RIPK1: variants seen among roughly 807,000 people sequenced by gnomAD.
RIPK1 encodes the protein receptor-interacting serine/threonine-protein kinase 1.
Under a neutral mutation model 62.4 loss-of-function variants are expected in RIPK1, and 27 were observed. The ratio of observed to expected loss-of-function variants is 0.43; its 90% CI spans 0.32 to 0.60. The LOEUF is 0.60. Among genes scored for constraint, RIPK1 ranks in the 20% least tolerant of loss-of-function variants. The pLI, the probability that RIPK1 is intolerant of heterozygous loss-of-function variation, is 0.07. For missense variants in RIPK1, 735 were observed against 831.0 expected (o/e 0.88, Z 1.42); for synonymous variants, 287 against 303.2 (o/e 0.95, Z 0.55).
chr6:3,067,976 T>G (rs1220458744), upstream of RIPK1: 1 of 153,876 alleles, frequency 6.5e-6, no homozygotes, highest in Non-Finnish European at 1.4e-5. Flanking sequence ...ACTGCTGACC[T>G]CAAGTGATCC....
intron 2 of RIPK1, among the ~76,000 whole-genome samples, 183 bp downstream of exon 2, chr6:3,077,170 A>G (rs1215994541): frequency 6.6e-6 from 1 of 152,124 alleles, no homozygotes; most frequent in Non-Finnish European, 1.5e-5. Context: ...GAGACTGGGT[A>G]GTGAAGGACT....
At position 3,080,806 on chromosome 6, in the gene RIPK1, C is replaced by A. The variant is rs532170967; in HGVS notation, c.322-173C>A. Among the ~76,000 whole-genome samples the A allele has an allele frequency of 6.3e-3, 961 of 151,796 alleles. 5 individuals carry two copies. The highest frequency in any genetic ancestry group is 0.01 in the Non-Finnish European group (704 of 67,984). On this transcript the variant is annotated intron_variant, in intron 3 of 10. Coordinates refer to ENST00000259808, the MANE Select transcript of RIPK1 (RefSeq NM_001354930.2). ...ACAACACGAATACCCTCTGCCCCCCCCCGAATGAAATCTTTCTTGTTTCCC... is the reference window on the plus strand; with the variant it reads ...ACAACACGAATACCCTCTGCCCCCCACCGAATGAAATCTTTCTTGTTTCCC...
chr6:3,072,103 C>T lies in RIPK1; in HGVS notation c.-61+3442C>T, dbSNP rs574294650. 6.6e-6 allele frequency among the ~76,000 whole-genome samples: 1 copy of T among 152,172 alleles called. No homozygotes were observed. The highest frequency in any genetic ancestry group is 1.5e-5 in the Non-Finnish European group (1 of 68,034). On this transcript the variant is annotated intron_variant, in intron 1 of 10. Transcript: ENST00000259808. The surrounding 1 kb of genome is among the most constrained non-coding windows in gnomAD (Gnocchi z 5.6). ...CTGTACATGCTAAGTGTTTTACCTACTTTTGCTGTTCTATGTAATGCTACC... is the reference window on the plus strand; with the variant it reads ...CTGTACATGCTAAGTGTTTTACCTATTTTTGCTGTTCTATGTAATGCTACC...
intron 5 of RIPK1, among the ~76,000 whole-genome samples, chr6:3,084,074 G>A (rs1759562582): frequency 6.6e-6 from 1 of 152,070 alleles, no homozygotes; most frequent in African/African-American, 2.4e-5. Flanking sequence ...CTCAAAACCT[G>A]TGAATTCAAG....
chr6:3,104,896 G>C (rs1028628093), intron 8 of RIPK1, among the ~76,000 whole-genome samples: 2 of 151,884 alleles, frequency 1.3e-5, no homozygotes, highest in Non-Finnish European at 2.9e-5. Flanking sequence ...CTGTCACCCC[G>C]GCTGGAGTGC....
At chr6:3,068,240 C>T (rs1254458190), upstream of RIPK1, 1 of 985,552 alleles carries the variant, frequency 1.0e-6, no homozygotes, top group Non-Finnish European at 1.2e-6. Flanking sequence ...CTGAATCCTC[C>T]GGATAGCGCC....
chr6:3,089,559 A>T, intron 6 of RIPK1, 22 bp from the exon 7 acceptor site: 1 of 1,079,126 alleles, frequency 9.3e-7, no homozygotes, highest in Non-Finnish European at 1.4e-6. Flanking sequence ...TAAGAAATTT[A>T]AAGTACATTT....
At chr6:3,102,777 T>C (rs988816227) in intron 7 of RIPK1, among the ~76,000 whole-genome samples, 2 of 152,090 alleles carry the variant, frequency 1.3e-5, no homozygotes, top group African/African-American at 4.8e-5. Flanking sequence ...GTTTTTTGTA[T>C]TTTTAGTAGA....
chr6:3,097,934 G>A (rs1760398542), intron 7 of RIPK1, among the ~76,000 whole-genome samples: 1 of 152,176 alleles, frequency 6.6e-6, no homozygotes, highest in Non-Finnish European at 1.5e-5. Flanking sequence ...GGTGGCTCAT[G>A]CCTGTAATCC....
intron 7 of RIPK1, among the ~76,000 whole-genome samples, chr6:3,101,925 T>C (rs765569919): frequency 6.6e-6 from 1 of 152,196 alleles, no homozygotes; most frequent in Non-Finnish European, 1.5e-5. Flanking sequence ...TGAAACTCTG[T>C]ACCTGCTAAA....
Position 3,068,526 on chromosome 6 carries a change from C to T in RIPK1, c.-196C>T. 5 of 985,208 alleles carry T rather than the reference C, an allele frequency of 5.1e-6. No individual in the cohort carries two copies. The highest frequency in any genetic ancestry group is 6.0e-6 in the Non-Finnish European group (5 of 829,824). 61.0% of individuals were successfully genotyped at this position (985,208 alleles called of 1,614,324 possible). ...GCCCTCCAGCCGGGCGCGCTCGACG[C>T]GGACGGCGGGCCAGCTGCCGGAGCG... On this transcript the variant is annotated 5_prime_UTR_variant, in exon 1 of 11. Transcript: ENST00000259808.
chr6:3,094,070 A>G (rs575687101), intron 7 of RIPK1, among the ~76,000 whole-genome samples: 1 of 139,956 alleles, frequency 7.1e-6, no homozygotes, highest in South Asian at 2.2e-4. Flanking sequence ...CGCACCTAGT[A>G]ACTGCAGCGC....
At chr6:3,085,429 T>C in intron 6 of RIPK1, 21 bp downstream of exon 6, 1 of 1,613,120 alleles carries the variant, frequency 6.2e-7, no homozygotes, top group Non-Finnish European at 8.5e-7. Flanking sequence ...CTTTTCTGAC[T>C]GTGTAGGATG....
At chr6:3,094,124 CACCTA>C in intron 7 of RIPK1, among the ~76,000 whole-genome samples, 1 of 142,218 alleles carries the variant, frequency 7.0e-6, no homozygotes, top group South Asian at 2.2e-4. Flanking sequence ...CTACCTGCCG[CACCTA>C]GTAACTGCAG....
intron 5 of RIPK1, among the ~76,000 whole-genome samples, chr6:3,084,181 G>A (rs1184129835): frequency 6.6e-6 from 1 of 152,060 alleles, no homozygotes; most frequent in Non-Finnish European, 1.5e-5. Context: ...TCTGCAGCAG[G>A]CTCCTTCCAC....
chr6:3,071,495 T>A (rs1262801417), intron 1 of RIPK1, among the ~76,000 whole-genome samples: 1 of 152,214 alleles, frequency 6.6e-6, no homozygotes, highest in East Asian at 1.9e-4. Context: ...TCTTTGTCAC[T>A]CTGTGTCATG....
chr6:3,101,032 A>G (rs1050692309), intron 7 of RIPK1, among the ~76,000 whole-genome samples: 2 of 152,214 alleles, frequency 1.3e-5, no homozygotes, highest in African/African-American at 4.8e-5. Flanking sequence ...CGTGCCTGTA[A>G]TCTCAGCACT....
intron 10 of RIPK1, among the ~76,000 whole-genome samples, chr6:3,112,052 T>G (rs1434346233): frequency 6.6e-6 from 1 of 152,170 alleles, no homozygotes; most frequent in African/African-American, 2.4e-5. Context: ...ATTTGTTTCC[T>G]TTTATTATTT....
At chr6:3,064,945 T>C (rs1384712651), upstream of RIPK1, among the ~76,000 whole-genome samples, 2 of 151,928 alleles carry the variant, frequency 1.3e-5, no homozygotes, top group African/African-American at 4.8e-5. Context: ...ACAAGAGGAT[T>C]AAGACACCGC....
Sources: gnomAD v4.1 joint callset for allele counts (sites outside exome capture counted in the v4.1 genomes callset) on GRCh38, gnomAD v4.1.1 for gene constraint, Gnocchi (gnomAD v3.1) non-coding constraint, MANE v1.5 for transcripts, NCBI Gene and HGNC (gene_info 2026-07-23, HGNC 2026-07-21) for gene names.